STK24: variants seen among roughly 807,000 people sequenced by gnomAD.
STK24 encodes serine/threonine kinase 24, also known as serine/threonine-protein kinase 24.
Under a neutral mutation model 55.6 loss-of-function variants are expected in STK24, and 21 were observed. The ratio of observed to expected loss-of-function variants is 0.38; its 90% CI spans 0.27 to 0.54. The LOEUF is 0.54. Ranked by LOEUF, STK24 falls within the 20% of genes least tolerant of loss-of-function variation. STK24 has a pLI of 0.79. For missense variants in STK24, 383 were observed against 538.4 expected (o/e 0.71, Z 2.86); for synonymous variants, 200 against 215.2 (o/e 0.93, Z 0.62).
chr13:98,479,144 C>T (rs1364353137), intron 3 of STK24, among the ~76,000 whole-genome samples: 2 of 152,188 alleles, frequency 1.3e-5, no homozygotes, highest in African/African-American at 4.8e-5. Flanking sequence ...TGTGATACTT[C>T]TTATGCTCTT....
rs1209982389 is a variant in STK24 at position 98,448,576 on chromosome 13, G to C, written c.*4597C>G. 5 of 443,994 alleles carry C rather than the reference G, an allele frequency of 1.1e-5. No individual in the cohort carries two copies. Among genetic ancestry groups the C allele is most frequent in the Non-Finnish European group, 2.0e-5 (5 of 250,518 alleles). 27.5% of individuals were successfully genotyped at this position (443,994 alleles called of 1,614,324 possible). ...GCCAGTATTAAAACATTGTCATTACGAGAGTGCCAAATGACATCTTCCCTC... is the reference window on the plus strand; with the variant it reads ...GCCAGTATTAAAACATTGTCATTACCAGAGTGCCAAATGACATCTTCCCTC... On this transcript the variant is annotated 3_prime_UTR_variant, in exon 11 of 11. Coordinates refer to ENST00000539966, the MANE Select transcript of STK24 (RefSeq NM_001032296.4).
intron 2 of STK24, among the ~76,000 whole-genome samples, chr13:98,492,404 G>T (rs1202509189): frequency 6.6e-6 from 1 of 152,048 alleles, no homozygotes; most frequent in African/African-American, 2.4e-5. Context: ...CCCTTTCTAG[G>T]GGAGGAAAAA....
chr13:98,453,312 G>T, intron 10 of STK24, 103 bp from the exon 11 acceptor site: 1 of 1,231,412 alleles, frequency 8.1e-7, no homozygotes, highest in Admixed American at 2.1e-5. Context: ...GAAATTCCAA[G>T]TCATACAAAA....
In STK24 at chr13:98,451,163, ACT is replaced by A. The variant is rs1308344646; in HGVS notation, c.*2008_*2009del. ...CATTGTCCATTTGTAAATCTGAAGA[ACT>A]CTGTAAATCAGAAAAGCTGCTGTCC... is the stretch of plus-strand genomic sequence containing the variant. On this transcript the variant is annotated 3_prime_UTR_variant, in exon 11 of 11. Coordinates refer to ENST00000539966, the MANE Select transcript of STK24 (RefSeq NM_001032296.4). The A allele has an allele frequency of 9.9e-5, 15 of 152,154 alleles. No individual in the cohort carries two copies. The highest frequency in any genetic ancestry group is 3.6e-4 in the African/African-American group (15 of 41,422). 9.4% of individuals were successfully genotyped at this position (152,154 alleles called of 1,614,324 possible).
intron 1 of STK24, among the ~76,000 whole-genome samples, chr13:98,520,208 G>T (rs1267001232): frequency 6.6e-6 from 1 of 152,352 alleles, no homozygotes; most frequent in East Asian, 1.9e-4. Context: ...CTCAAAGGGG[G>T]CAGTAACCTG....
intron 5 of STK24, among the ~76,000 whole-genome samples, chr13:98,469,534 T>TC (rs1555302507): frequency 0.13 from 16,893 of 125,586 alleles, 950 homozygotes; most frequent in East Asian, 0.16. Flanking sequence ...AGACCCTGCA[T>TC]CCCCCCCCCC....
At chr13:98,545,220 G>A (rs1204689109) in intron 1 of STK24, among the ~76,000 whole-genome samples, 1 of 152,250 alleles carries the variant, frequency 6.6e-6, no homozygotes, top group Non-Finnish European at 1.5e-5. Context: ...GGTACACTGA[G>A]ATGTTAACAG....
rs143007499 is a variant in STK24 at position 98,540,066 on chromosome 13, G to A, written c.43-20593C>T. On this transcript the variant is annotated intron_variant, in intron 1 of 10. Transcript: ENST00000539966. ...GGAATGAACAACAGACACAAGCTGC[G>A]TTGCGAGCCCCAAGAACGTCATGCT... is the stretch of plus-strand genomic sequence containing the variant. 4.5e-3 allele frequency among the ~76,000 whole-genome samples: 687 copies of A among 152,324 alleles called. 4 individuals are homozygous for A. The highest frequency in any genetic ancestry group is 0.016 in the African/African-American group (660 of 41,570).
chr13:98,515,179 G>C (rs9513437), intron 2 of STK24, among the ~76,000 whole-genome samples: 10,238 of 151,024 alleles, frequency 0.068, 484 homozygotes, highest in Non-Finnish European at 0.1. Context: ...AAACAGGTCA[G>C]CATCCCGTAC....
At chr13:98,491,770 T>A (rs1245338953) in intron 2 of STK24, among the ~76,000 whole-genome samples, 1 of 149,972 alleles carries the variant, frequency 6.7e-6, no homozygotes, top group Admixed American at 6.6e-5. Flanking sequence ...GATACATGCA[T>A]AAATAATCAA....
At chr13:98,474,787 G>T (rs371543197) in intron 5 of STK24, 34 bp downstream of exon 5, 5 of 1,569,802 alleles carry the variant, frequency 3.2e-6, no homozygotes, top group South Asian at 1.2e-5. Context: ...TCCAGGCCTC[G>T]TGAGGCACGG....
intron 1 of STK24, among the ~76,000 whole-genome samples, chr13:98,539,878 G>A (rs1048431517): frequency 1.3e-5 from 2 of 152,122 alleles, no homozygotes; most frequent in African/African-American, 4.8e-5. Context: ...ATTCCCAAGA[G>A]AACAGGACAC....
intron 2 of STK24, 53 bp from the exon 3 acceptor site, chr13:98,482,374 T>C (rs555035348): frequency 1.8e-6 from 2 of 1,107,674 alleles, no homozygotes; most frequent in South Asian, 1.4e-5. Flanking sequence ...CCAGGAAAAT[T>C]TTTTTTAATA....
chr13:98,570,509 G>A (rs1461345794), intron 1 of STK24, among the ~76,000 whole-genome samples: 1 of 152,180 alleles, frequency 6.6e-6, no homozygotes, highest in Non-Finnish European at 1.5e-5. Flanking sequence ...TTTAAAACTT[G>A]AAATGTTCCC....
chr13:98,448,036 G>A lies in STK24; in HGVS notation c.*5137C>T. The A allele has an allele frequency of 3.3e-6, 2 of 600,876 alleles. No individual in the cohort carries two copies. The highest frequency in any genetic ancestry group is 6.0e-6 in the Non-Finnish European group (2 of 333,886). 37.2% of individuals were successfully genotyped at this position (600,876 alleles called of 1,614,324 possible). On this transcript the variant is annotated 3_prime_UTR_variant, in exon 11 of 11. Coordinates refer to ENST00000539966, the MANE Select transcript of STK24 (RefSeq NM_001032296.4). ...AGCAAGGTACTTCCAGCTCCACACTGAGTGAGTGCCCAGGCCAGTGGGTCT... is the reference window on the plus strand; with the variant it reads ...AGCAAGGTACTTCCAGCTCCACACTAAGTGAGTGCCCAGGCCAGTGGGTCT...
In STK24 at chr13:98,475,251, T is replaced by C; in HGVS notation, c.438A>G (p.Lys146=). ...GAATGAAAACGGATGTCCTCTTACC[T>C]TTAATGTCTCTGTGGATTTTCTTCT... ...HSEKKIHRDI[K]AANVLLSEHG... The change falls in exon 4 of 11, where the codon AAA becomes AAG. Residue 146 remains lysine, a splice_region_variant and synonymous_variant. Coordinates refer to ENST00000539966, the MANE Select transcript of STK24 (RefSeq NM_001032296.4). The C allele has an allele frequency of 6.2e-7, 1 of 1,607,812 alleles. No individual in the cohort carries two copies. Among genetic ancestry groups the C allele is most frequent in the Non-Finnish European group, 8.5e-7 (1 of 1,175,886 alleles).
intron 1 of STK24, among the ~76,000 whole-genome samples, chr13:98,543,611 CAG>C (rs1239651651): frequency 6.6e-6 from 1 of 152,254 alleles, no homozygotes; most frequent in African/African-American, 2.4e-5. Flanking sequence ...ACAGAGAATA[CAG>C]AGAGAGGGGA....
At chr13:98,569,422 A>AAC (rs1897677702) in intron 1 of STK24, among the ~76,000 whole-genome samples, 2 of 147,954 alleles carry the variant, frequency 1.4e-5, no homozygotes, top group Non-Finnish European at 1.5e-5. Context: ...ACAAAAAAAA[A>AAC]AAAACAAAAA....
chr13:98,479,661 T>C (rs549600016), intron 3 of STK24, among the ~76,000 whole-genome samples: 2 of 152,294 alleles, frequency 1.3e-5, no homozygotes, highest in East Asian at 3.9e-4. Context: ...ACTTCCCCTC[T>C]CTAGGGTGCC....
Sources: gnomAD v4.1 joint callset for allele counts (sites outside exome capture counted in the v4.1 genomes callset) on GRCh38, gnomAD v4.1.1 for gene constraint, MANE v1.5 for transcripts, NCBI Gene and HGNC (gene_info 2026-07-23, HGNC 2026-07-21) for gene names.